Variants in SMG7 observed in about 807,000 individuals in gnomAD.
The protein encoded by SMG7 is nonsense-mediated mRNA decay factor SMG7.
In SMG7, 34 loss-of-function variants were observed where a neutral mutation model predicts 148.2. The observed-to-expected ratio is 0.23, with a 90% CI of 0.17 to 0.31. SMG7 has a LOEUF of 0.31. SMG7 is among the 10% of genes least tolerant of loss of function. The pLI, the probability that SMG7 is intolerant of heterozygous loss-of-function variation, is 1.00. For synonymous variants in SMG7, 492 were observed against 515.1 expected (o/e 0.96, Z 0.61); for missense variants, 1,114 against 1,408.4 (o/e 0.79, Z 3.35).
intron 1 of SMG7, among the ~76,000 whole-genome samples, chr1:183,509,542 C>T (rs563895755): frequency 5.9e-5 from 9 of 152,020 alleles, no homozygotes; most frequent in South Asian, 2.1e-4. Context: ...ATAGCTATCC[C>T]GTAGGGTTGT....
At chr1:183,496,846 A>T (rs983688574) in intron 1 of SMG7, among the ~76,000 whole-genome samples, 2 of 152,194 alleles carry the variant, frequency 1.3e-5, no homozygotes, top group African/African-American at 2.4e-5. Context: ...TGCAAAAAAA[A>T]TCTTAGAATG....
At chr1:183,519,225 A>T (rs938328973) in intron 4 of SMG7, among the ~76,000 whole-genome samples, 1 of 152,156 alleles carries the variant, frequency 6.6e-6, no homozygotes, top group Non-Finnish European at 1.5e-5. Flanking sequence ...AACAATTCAG[A>T]TAACTGTCAT....
At chr1:183,493,706 C>T (rs990452583) in intron 1 of SMG7, among the ~76,000 whole-genome samples, 1 of 152,092 alleles carries the variant, frequency 6.6e-6, no homozygotes. Flanking sequence ...CTTAACCTCC[C>T]AAGTACCTGG....
At chr1:183,541,143 T>C in intron 13 of SMG7, 40 bp downstream of exon 13, 1 of 1,595,912 alleles carries the variant, frequency 6.3e-7, no homozygotes, top group Middle Eastern at 1.7e-4. Context: ...TTTAACCACC[T>C]TTTTAGATAA....
At chr1:183,490,001 A>C (rs973359529) in intron 1 of SMG7, among the ~76,000 whole-genome samples, 23 of 152,358 alleles carry the variant, frequency 1.5e-4, no homozygotes, top group African/African-American at 5.0e-4. Context: ...AGACCAGCTG[A>C]ATCAGAACCT....
At chr1:183,526,249 A>G (rs1298404234) in intron 4 of SMG7, among the ~76,000 whole-genome samples, 2 of 151,084 alleles carry the variant, frequency 1.3e-5, no homozygotes, top group Non-Finnish European at 2.9e-5. Flanking sequence ...CCTGGGTTCA[A>G]GCGATTCTTG....
chr1:183,490,370 C>T (rs1656644351), intron 1 of SMG7, among the ~76,000 whole-genome samples: 1 of 152,044 alleles, frequency 6.6e-6, no homozygotes, highest in South Asian at 2.1e-4. Flanking sequence ...CTTCAACAGA[C>T]AATATAAAAG....
At chr1:183,533,383 A>G in intron 9 of SMG7, 57 bp downstream of exon 9, 1 of 1,524,054 alleles carries the variant, frequency 6.6e-7, no homozygotes, top group Non-Finnish European at 9.0e-7. Context: ...CATCTTAGGC[A>G]TTTCATCGAT....
At chr1:183,480,892 C>T (rs1468489063) in intron 1 of SMG7, among the ~76,000 whole-genome samples, 1 of 152,118 alleles carries the variant, frequency 6.6e-6, no homozygotes, top group Admixed American at 6.5e-5. Flanking sequence ...TCTGTGTGGG[C>T]TAACAACTTA....
At chr1:183,491,410 T>C (rs956614068) in intron 1 of SMG7, among the ~76,000 whole-genome samples, 1 of 152,252 alleles carries the variant, frequency 6.6e-6, no homozygotes, top group Non-Finnish European at 1.5e-5. Flanking sequence ...TAGAACATTC[T>C]GTCTAAGTCT....
chr1:183,547,205 C>T lies in SMG7; in HGVS notation c.2845C>T (p.Pro949Ser), dbSNP rs1670074989. ...TTTTTCTAACCCTCCTGATCTTTAC[C>T]CGGCTCTGCTGGGGCCTCTCGCCTC... ...LIFSNPPDLY[P>S]ALLGPLASLP... is the part of the protein sequence containing the mutation. The change falls in exon 18 of 23, where the codon CCG becomes TCG. Residue 949 changes from proline (P) to serine (S), a missense_variant. Coordinates refer to ENST00000688051, the MANE Select transcript of SMG7 (RefSeq NM_001375584.1). 1 of 1,550,340 alleles carries T rather than the reference C, an allele frequency of 6.5e-7. No individual in the cohort carries two copies. The highest frequency in any genetic ancestry group is 1.7e-4 in the Middle Eastern group (1 of 5,982).
intron 4 of SMG7, among the ~76,000 whole-genome samples, chr1:183,525,190 A>G (rs770981485): frequency 3.3e-4 from 50 of 152,194 alleles, no homozygotes; most frequent in Non-Finnish European, 6.8e-4. Context: ...AAGCCTTTCT[A>G]TGAAGGAGAC....
At chr1:183,508,352 G>A (rs894964106) in intron 1 of SMG7, among the ~76,000 whole-genome samples, 1 of 151,990 alleles carries the variant, frequency 6.6e-6, no homozygotes, top group East Asian at 1.9e-4. Context: ...ACACCACCAC[G>A]CCAGCTAATT....
chr1:183,481,160 C>CCT (rs1214264671), intron 1 of SMG7, among the ~76,000 whole-genome samples: 1 of 152,170 alleles, frequency 6.6e-6, no homozygotes, highest in Non-Finnish European at 1.5e-5. Context: ...CCTGCACCTA[C>CCT]CTCTGCCTCA....
At chr1:183,481,642 T>TA (rs1043322511) in intron 1 of SMG7, among the ~76,000 whole-genome samples, 2 of 152,184 alleles carry the variant, frequency 1.3e-5, no homozygotes, top group Admixed American at 1.3e-4. Context: ...AACCGATACT[T>TA]ACTCTTTAGG....
intron 18 of SMG7, among the ~76,000 whole-genome samples, chr1:183,548,142 A>C (rs1340039478): frequency 6.6e-6 from 1 of 152,236 alleles, no homozygotes; most frequent in African/African-American, 2.4e-5. Context: ...AACAGCTTTC[A>C]TGACATTGCT....
chr1:183,510,800 CAA>C (rs920276810), intron 1 of SMG7, among the ~76,000 whole-genome samples: 1 of 151,900 alleles, frequency 6.6e-6, no homozygotes, highest in African/African-American at 2.4e-5. Context: ...TTATATAAAA[CAA>C]TATTTACAGT....
chr1:183,524,828 G>A (rs779435883), intron 4 of SMG7, among the ~76,000 whole-genome samples: 6 of 152,090 alleles, frequency 3.9e-5, no homozygotes, highest in East Asian at 1.9e-4. Flanking sequence ...AATAAGTTAC[G>A]TTATAAATGT....
intron 1 of SMG7, among the ~76,000 whole-genome samples, chr1:183,484,932 C>A (rs1167070928): frequency 6.6e-6 from 1 of 152,000 alleles, no homozygotes; most frequent in South Asian, 2.1e-4. Flanking sequence ...TTTCTTTTTT[C>A]AGTTCTGACA....
Sources: allele counts gnomAD v4.1 joint callset (sites outside exome capture counted in the v4.1 genomes callset), GRCh38; gene constraint gnomAD v4.1.1; transcripts MANE v1.5; gene names NCBI Gene and HGNC (gene_info 2026-07-23, HGNC 2026-07-21).